The following SLC4A10 variants were observed in gnomAD, a reference collection of about 807,000 sequenced individuals.
SLC4A10 encodes the protein solute carrier family 4 member 10.
Under a neutral mutation model 137.7 loss-of-function variants are expected in SLC4A10, and 42 were observed. That is an observed-to-expected ratio of 0.30 (90% CI 0.24 to 0.39). The LOEUF is 0.39. Ranked by LOEUF, SLC4A10 falls within the 10% of genes least tolerant of loss-of-function variation. The probability of loss-of-function intolerance (pLI) is 1.00; values close to 1 mark genes in which losing one functional copy is unlikely to be tolerated. For missense variants in SLC4A10, 925 were observed against 1,355.0 expected (o/e 0.68, Z 4.98); for synonymous variants, 474 against 464.1 (o/e 1.02, Z -0.27).
chr2:161,918,981 A>G (rs1198471493), intron 15 of SLC4A10, among the ~76,000 whole-genome samples: 1 of 152,162 alleles, frequency 6.6e-6, no homozygotes, highest in Non-Finnish European at 1.5e-5. Flanking sequence ...CAGGGCCTGG[A>G]AAGCCCCCTC....
At chr2:161,707,441 T>C (rs1264315842) in intron 1 of SLC4A10, among the ~76,000 whole-genome samples, 1 of 151,522 alleles carries the variant, frequency 6.6e-6, no homozygotes. Flanking sequence ...TTGAATGTAG[T>C]TGAATTGACT....
At chr2:161,928,040 A>G (rs1158850287) in intron 15 of SLC4A10, among the ~76,000 whole-genome samples, 5 of 150,000 alleles carry the variant, frequency 3.3e-5, no homozygotes, top group Admixed American at 6.7e-5. Flanking sequence ...CCAAAGGACT[A>G]TAAATCATGC....
intron 3 of SLC4A10, among the ~76,000 whole-genome samples, chr2:161,813,960 T>C (rs1252479174): frequency 1.3e-5 from 2 of 152,050 alleles, no homozygotes; most frequent in Non-Finnish European, 2.9e-5. Flanking sequence ...AGGTGATTCT[T>C]CTGTGGAGCT....
chr2:161,755,021 C>A (rs998313762), intron 1 of SLC4A10, among the ~76,000 whole-genome samples: 2 of 152,102 alleles, frequency 1.3e-5, no homozygotes, highest in East Asian at 3.9e-4. Flanking sequence ...ACAAAATTTC[C>A]ATGTCTCCTG....
chr2:161,845,377 C>T (rs2059427214), intron 4 of SLC4A10, among the ~76,000 whole-genome samples: 1 of 151,996 alleles, frequency 6.6e-6, no homozygotes, highest in Non-Finnish European at 1.5e-5. Flanking sequence ...ATATTTGTAA[C>T]ATGTGGGCAC....
chr2:161,886,858 G>T (rs2062357656), intron 10 of SLC4A10, among the ~76,000 whole-genome samples: 1 of 151,770 alleles, frequency 6.6e-6, no homozygotes, highest in South Asian at 2.1e-4. Flanking sequence ...TTGTTACATA[G>T]GTATACACAT....
chr2:161,859,435 C>A (rs2060287820), intron 5 of SLC4A10, among the ~76,000 whole-genome samples: 1 of 151,366 alleles, frequency 6.6e-6, no homozygotes, highest in Non-Finnish European at 1.5e-5. Flanking sequence ...GGACTACAGG[C>A]ACACGGCAAC....
rs544042686 is a variant in SLC4A10 at position 161,663,494 on chromosome 2, A to G, written c.48+38928A>G. On this transcript the variant is annotated intron_variant, in intron 1 of 26. Coordinates refer to ENST00000446997, the MANE Select transcript of SLC4A10 (RefSeq NM_001178015.2). Reference sequence around the variant, plus strand: ...TTAAGTTTTGGGTATGATATTGTGAATATTGCACCACATTGGAATGTAATA... The same window carrying G: ...TTAAGTTTTGGGTATGATATTGTGAGTATTGCACCACATTGGAATGTAATA... 7.7e-4 allele frequency among the ~76,000 whole-genome samples: 117 copies of G among 152,298 alleles called. 1 individual carries two copies. The highest frequency in any genetic ancestry group is 1.4e-3 in the Non-Finnish European group (95 of 68,010).
chr2:161,732,709 G>A (rs370145141), intron 1 of SLC4A10, among the ~76,000 whole-genome samples: 5 of 152,278 alleles, frequency 3.3e-5, no homozygotes, highest in African/African-American at 1.2e-4. Context: ...TTGGAGGGCT[G>A]AAGAAGACAG....
At chr2:161,701,305 CCTGT>C (rs1010849116) in intron 1 of SLC4A10, among the ~76,000 whole-genome samples, 2 of 151,908 alleles carry the variant, frequency 1.3e-5, no homozygotes, top group African/African-American at 2.4e-5. Flanking sequence ...GATCTGTGAA[CCTGT>C]CTGTGTTAGA....
intron 1 of SLC4A10, among the ~76,000 whole-genome samples, chr2:161,761,090 A>G (rs1238411778): frequency 6.6e-6 from 1 of 152,078 alleles, no homozygotes; most frequent in African/African-American, 2.4e-5. Flanking sequence ...AATGTCACTC[A>G]AGACAGAGAG....
chr2:161,649,194 ACCG>A (rs2036470130), intron 1 of SLC4A10, among the ~76,000 whole-genome samples: 1 of 152,040 alleles, frequency 6.6e-6, no homozygotes, highest in Non-Finnish European at 1.5e-5. Flanking sequence ...AAGTGACACC[ACCG>A]TTTCTACAAA....
intron 1 of SLC4A10, among the ~76,000 whole-genome samples, chr2:161,762,415 C>G (rs1024925377): frequency 6.6e-6 from 1 of 152,084 alleles, no homozygotes; most frequent in East Asian, 1.9e-4. Flanking sequence ...CGAGCTGATA[C>G]TCGTTTATAT....
chr2:161,709,425 C>T (rs2125052132), intron 1 of SLC4A10, among the ~76,000 whole-genome samples: 1 of 151,596 alleles, frequency 6.6e-6, no homozygotes, highest in East Asian at 1.9e-4. Context: ...GTTGTAAAGA[C>T]ACTGGTTTTA....
At chr2:161,749,792 G>A (rs2125296703) in intron 1 of SLC4A10, among the ~76,000 whole-genome samples, 1 of 151,876 alleles carries the variant, frequency 6.6e-6, no homozygotes, top group Admixed American at 6.6e-5. Context: ...AATGCTTTTG[G>A]AAATGTTCAC....
Position 161,798,192 on chromosome 2 carries a change from C to T in SLC4A10, c.131-6257C>T, listed in dbSNP as rs544271037. ...CAATGATGACTTGTGTTTTCTGACTCTGTTAGAGTCTCCATGGAATTAAAG... is the reference window on the plus strand; with the variant it reads ...CAATGATGACTTGTGTTTTCTGACTTTGTTAGAGTCTCCATGGAATTAAAG... On this transcript the variant is annotated intron_variant, in intron 2 of 26. Transcript: ENST00000446997. Among the ~76,000 whole-genome samples, 158 of 152,026 alleles carry T rather than the reference C, an allele frequency of 1.0e-3. 1 individual carries two copies. The highest frequency in any genetic ancestry group is 3.7e-3 in the African/African-American group (155 of 41,532).
intron 1 of SLC4A10, among the ~76,000 whole-genome samples, chr2:161,753,298 G>A (rs954934511): frequency 8.5e-5 from 13 of 152,082 alleles, no homozygotes; most frequent in Non-Finnish European, 1.8e-4. Flanking sequence ...AAGCAATTAA[G>A]CTAAACTTTT....
At chr2:161,891,342 G>C (rs933754794) in intron 10 of SLC4A10, among the ~76,000 whole-genome samples, 1 of 152,032 alleles carries the variant, frequency 6.6e-6, no homozygotes, top group South Asian at 2.1e-4. Context: ...ATATTGGCTT[G>C]CCTTGCTAGG....
At chr2:161,778,412 T>C (rs2052631785) in intron 2 of SLC4A10, among the ~76,000 whole-genome samples, 1 of 151,984 alleles carries the variant, frequency 6.6e-6, no homozygotes, top group Non-Finnish European at 1.5e-5. Context: ...ATAAACTCAT[T>C]GAGGGACAAA....
Sources: gnomAD v4.1 joint callset for allele counts (sites outside exome capture counted in the v4.1 genomes callset) on GRCh38, gnomAD v4.1.1 for gene constraint, MANE v1.5 for transcripts, NCBI Gene and HGNC (gene_info 2026-07-23, HGNC 2026-07-21) for gene names.